The following CORO1C variants were observed in gnomAD, a reference collection of about 807,000 sequenced individuals.
CORO1C encodes the protein coronin-1C.
CORO1C carries 14 observed loss-of-function variants against 51.2 expected under a neutral mutation model. That is an observed-to-expected ratio of 0.27 (90% CI 0.18 to 0.43). The LOEUF is 0.43. Ranked by LOEUF, CORO1C falls within the 20% of genes least tolerant of loss-of-function variation. CORO1C has a pLI of 1.00. For missense variants in CORO1C, 417 were observed against 607.8 expected, an observed-to-expected ratio of 0.69 and a Z score of 3.30; for synonymous variants, 181 against 210.5, an observed-to-expected ratio of 0.86 and a Z score of 1.21.
chr12:108,680,423 A>G (rs946299043), intron 2 of CORO1C, among the ~76,000 whole-genome samples: 1 of 152,206 alleles, frequency 6.6e-6, no homozygotes, highest in Non-Finnish European at 1.5e-5. Context: ...GGAAATTCCA[A>G]TGAACACCAT....
At chr12:108,704,242 C>G (rs1480034806) in intron 1 of CORO1C, among the ~76,000 whole-genome samples, 1 of 152,176 alleles carries the variant, frequency 6.6e-6, no homozygotes, top group East Asian at 1.9e-4. Flanking sequence ...CTTTGGGAAG[C>G]TGAGACGGAT....
intron 2 of CORO1C, among the ~76,000 whole-genome samples, chr12:108,689,183 G>C (rs1043441624): frequency 1.3e-5 from 2 of 152,300 alleles, no homozygotes; most frequent in East Asian, 3.9e-4. Flanking sequence ...CTGGGCAACA[G>C]AGCGAGACTC....
chr12:108,666,101 C>T (rs1214771430), intron 3 of CORO1C, among the ~76,000 whole-genome samples: 1 of 152,178 alleles, frequency 6.6e-6, no homozygotes, highest in African/African-American at 2.4e-5. Flanking sequence ...AGGAGGTGAC[C>T]TCTAAGGATG....
chr12:108,663,400 T>C (rs921244067), intron 3 of CORO1C, among the ~76,000 whole-genome samples: 1 of 152,254 alleles, frequency 6.6e-6, no homozygotes, highest in Non-Finnish European at 1.5e-5. Flanking sequence ...GAAGCATTAT[T>C]TGTAATAGCC....
In CORO1C at chr12:108,701,189, T is replaced by C. The variant is rs761834366; in HGVS notation, c.130A>G (p.Arg44Gly). The C allele has an allele frequency of 6.2e-7, 1 of 1,614,124 alleles. No individual in the cohort carries two copies. Among genetic ancestry groups the C allele is most frequent in the South Asian group, 1.1e-5 (1 of 91,080 alleles). ...GCCTCTATGATTATGGCAACAAATCTGGGATTGACAGCACAAAAGGAACTA... is the reference window on the plus strand; with the variant it reads ...GCCTCTATGATTATGGCAACAAATCCGGGATTGACAGCACAAAAGGAACTA... ...WDSSFCAVNP[R>G]FVAIIIEASG... Residue 44 changes from arginine (R) to glycine (G), a missense_variant, in exon 2 of 11, where the codon AGA becomes GGA. Arg to Gly is a moderately radical substitution (Grantham distance 125). Coordinates refer to ENST00000261401, the MANE Select transcript of CORO1C (RefSeq NM_014325.4).
chr12:108,662,251 T>C (rs948312691), intron 3 of CORO1C, 93 bp from the exon 4 acceptor site: 2 of 1,097,850 alleles, frequency 1.8e-6, no homozygotes, highest in Non-Finnish European at 1.4e-6. Context: ...ATTTGCTCTA[T>C]GTAAACAGAA....
chr12:108,693,411 TA>T (rs2034564985), intron 2 of CORO1C, among the ~76,000 whole-genome samples: 1 of 152,164 alleles, frequency 6.6e-6, no homozygotes. Flanking sequence ...TGCTTTTTCC[TA>T]AAGATGATAC....
intron 3 of CORO1C, 112 bp downstream of exon 3, chr12:108,678,160 T>C (rs1592889775): frequency 2.3e-6 from 2 of 876,804 alleles, no homozygotes; most frequent in East Asian, 5.8e-5. Context: ...AAAACTGCTA[T>C]AACGTTCTGC....
At chr12:108,656,237 T>C (rs1235789664) in intron 6 of CORO1C, among the ~76,000 whole-genome samples, 2 of 148,616 alleles carry the variant, frequency 1.3e-5, no homozygotes, top group South Asian at 4.3e-4. Flanking sequence ...CCACCCCGTC[T>C]GGGAAGTGAG....
chr12:108,712,510 G>A (rs1477993754), intron 1 of CORO1C, among the ~76,000 whole-genome samples: 1 of 147,896 alleles, frequency 6.8e-6, no homozygotes, highest in Non-Finnish European at 1.5e-5. Context: ...GGAGGTGGAG[G>A]TTGCAGTGAG....
intron 2 of CORO1C, among the ~76,000 whole-genome samples, chr12:108,686,715 CA>C (rs988709355): frequency 1.3e-5 from 2 of 152,098 alleles, no homozygotes; most frequent in Admixed American, 6.5e-5. Context: ...CAACAGGTGG[CA>C]AAAATGGCCA....
At chr12:108,655,060 G>T (rs1018159252) in intron 6 of CORO1C, among the ~76,000 whole-genome samples, 1 of 146,410 alleles carries the variant, frequency 6.8e-6, no homozygotes, top group African/African-American at 2.5e-5. Flanking sequence ...CTTTTAAAAA[G>T]TTGAAAGATA....
chr12:108,715,795 G>A (rs773896503), intron 1 of CORO1C, among the ~76,000 whole-genome samples: 17 of 151,870 alleles, frequency 1.1e-4, no homozygotes, highest in Admixed American at 6.6e-4. Context: ...CACACCAACC[G>A]CAAAACTTTT....
intron 3 of CORO1C, among the ~76,000 whole-genome samples, chr12:108,674,394 A>G (rs1197233644): frequency 6.6e-6 from 1 of 152,064 alleles, no homozygotes. Flanking sequence ...TAAAAATACA[A>G]AAAATTAGCC....
intron 2 of CORO1C, among the ~76,000 whole-genome samples, chr12:108,696,770 G>A (rs2034701119): frequency 6.6e-6 from 1 of 152,250 alleles, no homozygotes; most frequent in East Asian, 1.9e-4. Flanking sequence ...AGAGTGGCAA[G>A]CCACAGCTTG....
intron 1 of CORO1C, chr12:108,703,081 G>T: frequency 2.3e-6 from 2 of 855,238 alleles, no homozygotes; most frequent in Non-Finnish European, 3.4e-6. Context: ...CAAAAGGAAA[G>T]CACATCTATA....
chr12:108,725,509 G>A (rs1161802950), intron 1 of CORO1C, among the ~76,000 whole-genome samples: 1 of 152,202 alleles, frequency 6.6e-6, no homozygotes, highest in Non-Finnish European at 1.5e-5. Context: ...AGGTGAGGGA[G>A]CTGGCAAAGT....
rs544048140 is a variant in CORO1C at position 108,692,711 on chromosome 12, C to A, written c.195+8413G>T. 2.0e-5 allele frequency among the ~76,000 whole-genome samples: 3 copies of A among 152,124 alleles called. No homozygotes were observed. In the South Asian group the frequency reaches 6.2e-4, roughly 32 times the overall value. On this transcript the variant is annotated intron_variant, in intron 2 of 10. Transcript: ENST00000261401. ...ATTCTCTGAGCTGACAGAATGAAAG[C>A]CCTGTCAAGTTACTGTTTTTGTTAT...
At chr12:108,665,457 A>G (rs2033439010) in intron 3 of CORO1C, among the ~76,000 whole-genome samples, 2 of 152,162 alleles carry the variant, frequency 1.3e-5, no homozygotes, top group Non-Finnish European at 2.9e-5. Flanking sequence ...GTACTGGGTA[A>G]CTAAATACAG....
Sources: allele counts gnomAD v4.1 joint callset (sites outside exome capture counted in the v4.1 genomes callset), GRCh38; gene constraint gnomAD v4.1.1; transcripts MANE v1.5; gene names NCBI Gene and HGNC (gene_info 2026-07-23, HGNC 2026-07-21).